PLCB4: variants seen among roughly 807,000 people sequenced by gnomAD.
PLCB4 encodes phospholipase C beta 4, also known as 1-phosphatidylinositol 4,5-bisphosphate phosphodiesterase beta-4.
Under a neutral mutation model 178.8 loss-of-function variants are expected in PLCB4, and 77 were observed. That is an observed-to-expected ratio of 0.43 (90% confidence interval 0.36 to 0.52). The LOEUF (loss-of-function observed/expected upper bound fraction) is 0.52, where lower values mean the gene tolerates loss of function less well. PLCB4 is among the 20% of genes least tolerant of loss of function. The probability of loss-of-function intolerance (pLI) is 0.00; values close to 1 mark genes in which losing one functional copy is unlikely to be tolerated. For synonymous variants in PLCB4, 496 were observed against 490.8 expected (o/e 1.01, Z -0.14); for missense variants, 1,024 against 1,453.4 (o/e 0.70, Z 4.80).
chr20:9,431,753 A>G lies in PLCB4; in HGVS notation c.2525-3807A>G, dbSNP rs535999632. ...TTAAATTCTTGACCTCAAATGATCCACCCACCTCAGCCTCCCAAAGTACTG... is the reference window on the plus strand; with the variant it reads ...TTAAATTCTTGACCTCAAATGATCCGCCCACCTCAGCCTCCCAAAGTACTG... On this transcript the variant is annotated intron_variant, in intron 28 of 39. Coordinates refer to ENST00000378473, the MANE Select transcript of PLCB4 (RefSeq NM_001377142.1). 4.0e-5 allele frequency among the ~76,000 whole-genome samples: 6 copies of G among 151,664 alleles called. No homozygotes were observed. In the East Asian group the frequency reaches 1.2e-3, roughly 29 times the overall value.
intron 4 of PLCB4, among the ~76,000 whole-genome samples, chr20:9,326,600 T>C (rs6056546): frequency 0.3 from 45,740 of 151,858 alleles, 8,824 homozygotes; most frequent in African/African-American, 0.56. Flanking sequence ...GTCAGGGAGG[T>C]GCAGGGCAGA....
At chr20:9,139,139 G>A (rs2092439224) in intron 2 of PLCB4, among the ~76,000 whole-genome samples, 1 of 152,140 alleles carries the variant, frequency 6.6e-6, no homozygotes, top group Admixed American at 6.5e-5. Flanking sequence ...TGCAGAGAAT[G>A]TCTTCTTGTC....
intron 2 of PLCB4, among the ~76,000 whole-genome samples, chr20:9,214,625 A>G (rs575641933): frequency 6.6e-6 from 1 of 152,102 alleles, no homozygotes; most frequent in East Asian, 1.9e-4. Context: ...ACTCATGCAC[A>G]CAGTCCCTTC....
At chr20:9,140,704 A>G (rs1167658494) in intron 2 of PLCB4, among the ~76,000 whole-genome samples, 1 of 151,804 alleles carries the variant, frequency 6.6e-6, no homozygotes, top group Non-Finnish European at 1.5e-5. Flanking sequence ...TTCCCATGTG[A>G]TATGCCTGCT....
intron 2 of PLCB4, among the ~76,000 whole-genome samples, chr20:9,131,149 A>G (rs2092262456): frequency 6.6e-6 from 1 of 152,046 alleles, no homozygotes; most frequent in South Asian, 2.1e-4. Context: ...CCTGAGAATG[A>G]TCAGTTCTTT....
At chr20:9,084,252 C>G (rs928313886) in intron 1 of PLCB4, among the ~76,000 whole-genome samples, 1 of 152,078 alleles carries the variant, frequency 6.6e-6, no homozygotes, top group Non-Finnish European at 1.5e-5. Flanking sequence ...GCACATACTT[C>G]TTTAAGGAGT....
In PLCB4 at chr20:9,151,824, T is replaced by C. The variant is rs189449754; in HGVS notation, c.-79+55482T>C. On this transcript the variant is annotated intron_variant, in intron 2 of 39. Coordinates refer to ENST00000378473, the MANE Select transcript of PLCB4 (RefSeq NM_001377142.1). ...ACAGTTTGAAGGGCTCAGAAGAAGA[T>C]AGGAAAATGTGGGAAAGTTTGGAAC... 2.4e-3 allele frequency among the ~76,000 whole-genome samples: 360 copies of C among 152,058 alleles called. 1 individual carries two copies. The highest frequency in any genetic ancestry group is 7.6e-3 in the African/African-American group (317 of 41,498).
chr20:9,350,767 C>T (rs1336034152), intron 7 of PLCB4, among the ~76,000 whole-genome samples: 1 of 152,120 alleles, frequency 6.6e-6, no homozygotes, highest in African/African-American at 2.4e-5. Context: ...CCATGTTGAC[C>T]AGGCTGGTCT....
intron 3 of PLCB4, among the ~76,000 whole-genome samples, chr20:9,293,511 G>GGAAA (rs980346504): frequency 1.2e-4 from 18 of 149,908 alleles, no homozygotes; most frequent in African/African-American, 3.6e-4. Context: ...AAGGAAGGAA[G>GGAAA]GAAAGAAAGA....
chr20:9,412,116 T>C (rs1417293146), intron 25 of PLCB4, among the ~76,000 whole-genome samples: 1 of 152,252 alleles, frequency 6.6e-6, no homozygotes, highest in African/African-American at 2.4e-5. Context: ...TTTCCTCTGC[T>C]GTGTGCTTTG....
rs774253714 is a variant in PLCB4 at position 9,393,630 on chromosome 20, A to C, written c.1366A>C (p.Arg456=). ...TTTGCCATCCCCCAATGACCTCAAAAGAAAAATACTCATAAAAAACAAGCG... is the reference window on the plus strand; with the variant it reads ...TTTGCCATCCCCCAATGACCTCAAACGAAAAATACTCATAAAAAACAAGCG... ...RALPSPNDLK[R]KILIKNKRLK... is the part of the protein sequence containing the mutation. Residue 456 remains arginine (R), a synonymous_variant, in exon 18 of 40, where the codon AGA becomes CGA. Transcript: ENST00000378473. 6.2e-7 allele frequency: 1 copy of C among 1,613,694 alleles called. No individual in the cohort carries two copies. Among genetic ancestry groups the C allele is most frequent in the African/African-American group, 1.3e-5 (1 of 74,940 alleles).
At chr20:9,361,315 C>T (rs1239915314) in intron 7 of PLCB4, among the ~76,000 whole-genome samples, 3 of 152,030 alleles carry the variant, frequency 2.0e-5, no homozygotes, top group South Asian at 2.1e-4. Flanking sequence ...GAAGAAATTC[C>T]GACACATGGT....
chr20:9,305,612 T>C (rs997038103), intron 3 of PLCB4, among the ~76,000 whole-genome samples: 3 of 152,196 alleles, frequency 2.0e-5, no homozygotes, highest in Non-Finnish European at 4.4e-5. Flanking sequence ...TTTCTTAACA[T>C]TATTTCCCAT....
At chr20:9,151,413 CCA>C in intron 2 of PLCB4, among the ~76,000 whole-genome samples, 1 of 152,076 alleles carries the variant, frequency 6.6e-6, no homozygotes, top group African/African-American at 2.4e-5. Flanking sequence ...CCCAGAATTC[CCA>C]CATGTGGTGG....
intron 3 of PLCB4, among the ~76,000 whole-genome samples, chr20:9,242,606 T>C (rs980999894): frequency 6.6e-6 from 1 of 152,226 alleles, no homozygotes; most frequent in African/African-American, 2.4e-5. Context: ...GAATGTCCAA[T>C]GGACACAGAT....
At chr20:9,286,411 G>A (rs1323883711) in intron 3 of PLCB4, among the ~76,000 whole-genome samples, 1 of 151,998 alleles carries the variant, frequency 6.6e-6, no homozygotes, top group Non-Finnish European at 1.5e-5. Flanking sequence ...GGTTTGGAAG[G>A]TAATAATTAG....
At chr20:9,257,329 TA>T (rs2094246802) in intron 3 of PLCB4, among the ~76,000 whole-genome samples, 1 of 152,174 alleles carries the variant, frequency 6.6e-6, no homozygotes, top group Non-Finnish European at 1.5e-5. Context: ...AGTGTGAAAA[TA>T]AATACATTCA....
intron 2 of PLCB4, 75 bp downstream of exon 2, chr20:9,096,417 C>A (rs920790819): frequency 2.0e-5 from 3 of 152,114 alleles, no homozygotes; most frequent in Non-Finnish European, 4.4e-5. Context: ...ATGATTTAAT[C>A]GAGAAGCAAT....
intron 35 of PLCB4, among the ~76,000 whole-genome samples, chr20:9,460,222 C>T (rs752669083): frequency 7.2e-5 from 11 of 152,160 alleles, no homozygotes; most frequent in South Asian, 2.1e-4. Flanking sequence ...ATGTCATGGG[C>T]ACTAAAGGCA....
Sources: gnomAD v4.1 joint callset for allele counts (sites outside exome capture counted in the v4.1 genomes callset) on GRCh38, gnomAD v4.1.1 for gene constraint, MANE v1.5 for transcripts, NCBI Gene and HGNC (gene_info 2026-07-23, HGNC 2026-07-21) for gene names.